The following MIS18A variants were observed in gnomAD, a reference collection of about 807,000 sequenced individuals.
MIS18A encodes protein Mis18-alpha.
A neutral mutation model predicts 25.0 loss-of-function variants in MIS18A; 14 were observed. The ratio of observed to expected loss-of-function variants is 0.56; its 90% CI spans 0.37 to 0.88. The LOEUF is 0.88. MIS18A is among the 40% of genes least tolerant of loss of function. The probability of loss-of-function intolerance (pLI) is 0.00; values close to 1 mark genes in which losing one functional copy is unlikely to be tolerated. For missense variants in MIS18A, 292 were observed against 290.8 expected (o/e 1.00, Z -0.03); for synonymous variants, 134 against 118.6 (o/e 1.13, Z -0.84).
the MIS18A span, among the ~76,000 whole-genome samples, chr21:32,253,991 C>G: frequency 6.6e-6 from 1 of 152,116 alleles, no homozygotes; most frequent in Non-Finnish European, 1.5e-5. Context: ...AATTCCAGCA[C>G]TTTGGGAGAC....
chr21:32,173,404 G>A, the MIS18A span, among the ~76,000 whole-genome samples: 1 of 152,178 alleles, frequency 6.6e-6, no homozygotes, highest in African/African-American at 2.4e-5. Flanking sequence ...AAAATGTTAA[G>A]CATAGAGTTA....
the MIS18A span, among the ~76,000 whole-genome samples, chr21:32,184,642 C>T: frequency 6.6e-6 from 1 of 152,180 alleles, no homozygotes; most frequent in South Asian, 2.1e-4. Context: ...ACAACCCCCT[C>T]CTGTGTCCCA....
At chr21:32,223,571 T>C in the MIS18A span, among the ~76,000 whole-genome samples, 1 of 152,216 alleles carries the variant, frequency 6.6e-6, no homozygotes, top group South Asian at 2.1e-4. Flanking sequence ...CTCCCAAGAC[T>C]AAACCAGGAA....
intron 2 of MIS18A, among the ~76,000 whole-genome samples, chr21:32,271,045 A>G (rs780951671): frequency 5.3e-5 from 8 of 152,306 alleles, no homozygotes; most frequent in African/African-American, 1.7e-4. Context: ...AAAAGTCTCT[A>G]AAGTTAGATG....
the MIS18A span, among the ~76,000 whole-genome samples, chr21:32,189,920 C>T: frequency 6.6e-6 from 1 of 152,328 alleles, no homozygotes; most frequent in East Asian, 1.9e-4. Context: ...GCTCCCAGCG[C>T]AGGACCCAGC....
At chr21:32,224,464 A>G in the MIS18A span, among the ~76,000 whole-genome samples, 13 of 151,058 alleles carry the variant, frequency 8.6e-5, no homozygotes, top group Non-Finnish European at 1.3e-4. Context: ...AAAAATCACA[A>G]GCATTCTTAT....
At chr21:32,193,509 TAGATAGA>T in the MIS18A span, among the ~76,000 whole-genome samples, 2 of 109,530 alleles carry the variant, frequency 1.8e-5, no homozygotes, top group African/African-American at 6.2e-5. Context: ...GATAGATAGA[TAGATAGA>T]TAGATGGATA....
At chr21:32,252,224 AAGAAGAAGAAGAAGAAGGAGG>A in the MIS18A span, among the ~76,000 whole-genome samples, 615 of 102,340 alleles carry the variant, frequency 6.0e-3, no homozygotes, top group South Asian at 7.6e-3. Context: ...GAAGAAGAAG[AAGAAGAAGAAGAAGAAGGAGG>A]AGGAGGAGGA....
the MIS18A span, among the ~76,000 whole-genome samples, chr21:32,239,021 T>G: frequency 6.6e-6 from 1 of 152,226 alleles, no homozygotes; most frequent in African/African-American, 2.4e-5. Context: ...GTCTTTAGAA[T>G]TTCAATTGTG....
At chr21:32,176,974 G>T in the MIS18A span, among the ~76,000 whole-genome samples, 1 of 152,028 alleles carries the variant, frequency 6.6e-6, no homozygotes, top group African/African-American at 2.4e-5. Flanking sequence ...GGGTTGAGCT[G>T]GGGGTAATAA....
At chr21:32,276,984 C>T (rs2085133661) in intron 1 of MIS18A, among the ~76,000 whole-genome samples, 2 of 151,922 alleles carry the variant, frequency 1.3e-5, no homozygotes, top group South Asian at 4.2e-4. Flanking sequence ...TTTAAAAAAT[C>T]ATAGTTAGGC....
the MIS18A span, among the ~76,000 whole-genome samples, chr21:32,262,866 C>T: frequency 2.0e-5 from 3 of 152,148 alleles, no homozygotes; most frequent in Non-Finnish European, 4.4e-5. Context: ...CCAGCACATC[C>T]ATTCCTCATC....
At chr21:32,258,254 T>G in the MIS18A span, among the ~76,000 whole-genome samples, 1 of 152,138 alleles carries the variant, frequency 6.6e-6, no homozygotes, top group Non-Finnish European at 1.5e-5. Flanking sequence ...AGAATGCTAG[T>G]GCCTTGGGGA....
downstream of MIS18A, among the ~76,000 whole-genome samples, chr21:32,267,026 G>A (rs1601073859): frequency 6.6e-6 from 1 of 152,020 alleles, no homozygotes; most frequent in Non-Finnish European, 1.5e-5. Context: ...AGCCAGAAAA[G>A]CCATGCCACC....
the MIS18A span, among the ~76,000 whole-genome samples, chr21:32,203,093 A>T: frequency 4.6e-5 from 7 of 152,064 alleles, no homozygotes; most frequent in African/African-American, 1.7e-4. Context: ...AGAAAATTTT[A>T]AAAGTACCCC....
the MIS18A span, among the ~76,000 whole-genome samples, chr21:32,159,174 A>C: frequency 6.6e-6 from 1 of 152,224 alleles, no homozygotes; most frequent in African/African-American, 2.4e-5. Context: ...TTACCCAGAT[A>C]CTTAATATCA....
At chr21:32,259,459 T>G in the MIS18A span, among the ~76,000 whole-genome samples, 2 of 152,190 alleles carry the variant, frequency 1.3e-5, no homozygotes, top group Admixed American at 1.3e-4. Flanking sequence ...GAGTATCCTG[T>G]GAGGAGACAG....
chr21:32,259,125 C>T, the MIS18A span, among the ~76,000 whole-genome samples: 2 of 152,128 alleles, frequency 1.3e-5, no homozygotes, highest in East Asian at 1.9e-4. Flanking sequence ...CCTCCTGCCT[C>T]GGCCTCCCAA....
At chr21:32,258,112 G>T in the MIS18A span, among the ~76,000 whole-genome samples, 1 of 152,082 alleles carries the variant, frequency 6.6e-6, no homozygotes, top group Non-Finnish European at 1.5e-5. Flanking sequence ...CCTCTCAGCC[G>T]GCAACTCCAA....
Sources: gnomAD v4.1 joint callset for allele counts (sites outside exome capture counted in the v4.1 genomes callset) on GRCh38, gnomAD v4.1.1 for gene constraint, MANE v1.5 for transcripts, NCBI Gene and HGNC (gene_info 2026-07-23, HGNC 2026-07-21) for gene names.